The following HPSE2 variants were observed in gnomAD, a reference collection of about 807,000 sequenced individuals.
HPSE2 encodes inactive heparanase-2.
A neutral mutation model predicts 60.5 loss-of-function variants in HPSE2; 38 were observed. The ratio of observed to expected loss-of-function variants is 0.63; its 90% confidence interval spans 0.48 to 0.82. HPSE2 has a LOEUF of 0.82. HPSE2 is among the 40% of genes least tolerant of loss of function. HPSE2 has a pLI of 0.00. For synonymous variants in HPSE2, 295 were observed against 293.2 expected (o/e 1.01, Z -0.06); for missense variants, 713 against 740.4 (o/e 0.96, Z 0.43).
intron 3 of HPSE2, among the ~76,000 whole-genome samples, chr10:99,062,808 A>T (rs577288085): frequency 6.6e-6 from 1 of 152,348 alleles, no homozygotes; most frequent in African/African-American, 2.4e-5. Flanking sequence ...AAGAAGTTAC[A>T]AACACCTCAT....
intron 3 of HPSE2, among the ~76,000 whole-genome samples, chr10:99,085,349 G>A (rs1211830967): frequency 2.0e-5 from 3 of 152,212 alleles, no homozygotes; most frequent in African/African-American, 7.2e-5. Flanking sequence ...GGCCCAGTAT[G>A]TCCCAGCACC....
intron 3 of HPSE2, among the ~76,000 whole-genome samples, chr10:98,941,761 C>T (rs1460072807): frequency 1.3e-4 from 17 of 135,980 alleles, no homozygotes; most frequent in African/African-American, 4.7e-4. Flanking sequence ...AAAAAGAGCC[C>T]GCATCGCCAA....
chr10:99,020,011 C>T (rs1353782118), intron 3 of HPSE2, among the ~76,000 whole-genome samples: 1 of 152,058 alleles, frequency 6.6e-6, no homozygotes, highest in African/African-American at 2.4e-5. Context: ...CGCACCGAGC[C>T]TATTCAGTTT....
chr10:98,559,093 G>A (rs1944097223), intron 9 of HPSE2, among the ~76,000 whole-genome samples: 1 of 152,012 alleles, frequency 6.6e-6, no homozygotes, highest in South Asian at 2.1e-4. Flanking sequence ...GTGCAGTGGC[G>A]CAATCTTGCA....
intron 3 of HPSE2, among the ~76,000 whole-genome samples, chr10:98,927,138 G>A (rs1954493573): frequency 6.6e-6 from 1 of 152,078 alleles, no homozygotes; most frequent in Non-Finnish European, 1.5e-5. Flanking sequence ...GTGCAGAGCT[G>A]AGTTCAATTC....
chr10:99,185,413 GAATTGCCAAA>G (rs1173701102), intron 2 of HPSE2, among the ~76,000 whole-genome samples: 1 of 151,984 alleles, frequency 6.6e-6, no homozygotes. Context: ...CATCATAACC[GAATTGCCAAA>G]AACTGGAGAT....
intron 2 of HPSE2, among the ~76,000 whole-genome samples, chr10:99,180,223 A>C (rs1409029503): frequency 6.6e-6 from 1 of 152,362 alleles, no homozygotes; most frequent in Non-Finnish European, 1.5e-5. Context: ...TGACTGAAAC[A>C]CTGAAAGCAA....
chr10:98,794,715 A>G (rs1467026878), intron 3 of HPSE2, among the ~76,000 whole-genome samples: 1 of 152,148 alleles, frequency 6.6e-6, no homozygotes, highest in Non-Finnish European at 1.5e-5. Flanking sequence ...TAAAAAAGTT[A>G]TCCTTTTCAA....
At chr10:98,828,364 C>T (rs1951601596) in intron 3 of HPSE2, among the ~76,000 whole-genome samples, 1 of 152,186 alleles carries the variant, frequency 6.6e-6, no homozygotes, top group African/African-American at 2.4e-5. Flanking sequence ...TCCAAAGTCA[C>T]AAGGCTAAGT....
chr10:98,819,892 C>T (rs1010730400), intron 3 of HPSE2, among the ~76,000 whole-genome samples: 1 of 152,132 alleles, frequency 6.6e-6, no homozygotes, highest in African/African-American at 2.4e-5. Flanking sequence ...ATAAAGACAT[C>T]TCATGGACAT....
chr10:98,804,559 T>C (rs1176242644), intron 3 of HPSE2, among the ~76,000 whole-genome samples: 1 of 152,060 alleles, frequency 6.6e-6, no homozygotes, highest in Non-Finnish European at 1.5e-5. Context: ...ATCAGAGAAA[T>C]GCAAATGAAA....
chr10:98,519,657 T>A (rs542976942), intron 9 of HPSE2, among the ~76,000 whole-genome samples: 169 of 152,358 alleles, frequency 1.1e-3, no homozygotes, highest in African/African-American at 3.9e-3. Flanking sequence ...GTGGGCATCA[T>A]GCTAGCATCT....
chr10:98,801,179 T>C (rs1950898322), intron 3 of HPSE2, among the ~76,000 whole-genome samples: 1 of 152,074 alleles, frequency 6.6e-6, no homozygotes, highest in African/African-American at 2.4e-5. Flanking sequence ...GATAAAACTG[T>C]CAAATAACTA....
rs1378154561 is a variant in HPSE2 at position 98,475,360 on chromosome 10, C to T, written c.1613+7276G>A. Among the ~76,000 whole-genome samples, 3 of 152,020 alleles carry T rather than the reference C, an allele frequency of 2.0e-5. No individual in the cohort carries two copies. In the East Asian group the frequency reaches 5.8e-4, roughly 29 times the overall value. ...TGGTCTTGATCTCCTGACCTTGTGA[C>T]CCCCCGCCTCGGCCTCCCAAAATGC... On this transcript the variant is annotated intron_variant, in intron 11 of 11. Coordinates refer to ENST00000370552, the MANE Select transcript of HPSE2 (RefSeq NM_021828.5).
intron 3 of HPSE2, among the ~76,000 whole-genome samples, chr10:98,870,044 C>T (rs1952691246): frequency 6.6e-6 from 1 of 152,060 alleles, no homozygotes; most frequent in African/African-American, 2.4e-5. Flanking sequence ...AAATATAGTG[C>T]TTGCAAACTG....
intron 3 of HPSE2, among the ~76,000 whole-genome samples, chr10:99,053,912 T>G (rs188606370): frequency 1.1e-4 from 16 of 150,798 alleles, no homozygotes; most frequent in South Asian, 2.1e-4. Flanking sequence ...TTTTTTTGTA[T>G]TTTAGTAGAG....
At chr10:99,169,502 CTCAAAAAAAAAAAAAAAAAAA>C (rs2133797404) in intron 2 of HPSE2, among the ~76,000 whole-genome samples, 1 of 54,982 alleles carries the variant, frequency 1.8e-5, no homozygotes, top group Non-Finnish European at 3.1e-5. Context: ...AAGACTCCGT[CTCAAAAAAAAAAAAAAAAAAA>C]AAAAAAAAAA....
At chr10:98,747,123 T>A (rs1949649025) in intron 3 of HPSE2, among the ~76,000 whole-genome samples, 1 of 152,106 alleles carries the variant, frequency 6.6e-6, no homozygotes. Context: ...GGTCCATTTT[T>A]AAGTCCTCTA....
chr10:98,640,002 C>A (rs1056039282), intron 7 of HPSE2, among the ~76,000 whole-genome samples: 3 of 152,092 alleles, frequency 2.0e-5, no homozygotes, highest in Admixed American at 6.6e-5. Flanking sequence ...TTGAATGAAG[C>A]AATAAACAAA....
Sources: allele counts gnomAD v4.1 joint callset (sites outside exome capture counted in the v4.1 genomes callset), GRCh38; gene constraint gnomAD v4.1.1; transcripts MANE v1.5; gene names NCBI Gene and HGNC (gene_info 2026-07-23, HGNC 2026-07-21).